The following SENP5 variants were observed in gnomAD, a reference collection of about 807,000 sequenced individuals.
SENP5 encodes sentrin-specific protease 5.
In SENP5, 21 loss-of-function variants were observed where a neutral mutation model predicts 74.2. The observed-to-expected ratio is 0.28, with a 90% CI of 0.20 to 0.41. The LOEUF (loss-of-function observed/expected upper bound fraction) is 0.41, where lower values mean the gene tolerates loss of function less well. SENP5 is among the 10% of genes least tolerant of loss of function. The pLI, the probability that SENP5 is intolerant of heterozygous loss-of-function variation, is 1.00. For missense variants in SENP5, 717 were observed against 889.1 expected (o/e 0.81, Z 2.46); for synonymous variants, 311 against 312.7 (o/e 0.99, Z 0.06).
intron 6 of SENP5, among the ~76,000 whole-genome samples, chr3:196,912,362 G>C (rs1322889711): frequency 1.3e-5 from 2 of 152,164 alleles, no homozygotes; most frequent in East Asian, 3.9e-4. Flanking sequence ...ATAAGTGGGA[G>C]TTGTACAATA....
At chr3:196,872,528 T>C (rs1174410740) in intron 1 of SENP5, among the ~76,000 whole-genome samples, 1 of 152,120 alleles carries the variant, frequency 6.6e-6, no homozygotes, top group African/African-American at 2.4e-5. Context: ...CTCAACTATT[T>C]TCAGTAAGAT....
intron 6 of SENP5, among the ~76,000 whole-genome samples, chr3:196,910,161 G>A (rs552168300): frequency 6.6e-6 from 1 of 151,980 alleles, no homozygotes; most frequent in Admixed American, 6.6e-5. Flanking sequence ...TTGCTACAAA[G>A]AGAATAAAAT....
At chr3:196,897,062 A>G (rs2108831892) in intron 2 of SENP5, among the ~76,000 whole-genome samples, 1 of 152,368 alleles carries the variant, frequency 6.6e-6, no homozygotes, top group East Asian at 1.9e-4. Flanking sequence ...TAACATTGTT[A>G]ACAAGAGCAC....
At chr3:196,899,893 T>A in intron 3 of SENP5, 31 bp from the exon 4 acceptor site, 1 of 1,608,400 alleles carries the variant, frequency 6.2e-7, no homozygotes, top group African/African-American at 1.3e-5. Context: ...ATGTTTTTTT[T>A]ACCTTTTGTT....
Position 196,930,997 on chromosome 3 carries a change from G to A in SENP5, c.*74G>A. The A allele has an allele frequency of 1.1e-6, 1 of 927,374 alleles. No homozygotes were observed. Among genetic ancestry groups the A allele is most frequent in the African/African-American group, 1.6e-5 (1 of 61,866 alleles). The allele number at this position is 927,374 out of a possible 1,614,324, so 57.4% of individuals were successfully genotyped here. A position where few individuals can be genotyped will look rare whatever the true frequency, so the allele number is the denominator to read the frequency against. On this transcript the variant is annotated 3_prime_UTR_variant, in exon 10 of 10. Coordinates refer to ENST00000323460, the MANE Select transcript of SENP5 (RefSeq NM_152699.5). ...TGTTACTTGAATCTCCAAACACTTAGTTGAATTTTTACAGATATTTCAGAT... is the reference window on the plus strand; with the variant it reads ...TGTTACTTGAATCTCCAAACACTTAATTGAATTTTTACAGATATTTCAGAT...
At chr3:196,905,173 G>A (rs918905611) in intron 6 of SENP5, 2 of 152,176 alleles carry the variant, frequency 1.3e-5, no homozygotes, top group African/African-American at 4.8e-5. Context: ...CAAAGTGTTG[G>A]GATTACAGGG....
At chr3:196,869,812 T>C (rs922672133) in intron 1 of SENP5, among the ~76,000 whole-genome samples, 2 of 135,518 alleles carry the variant, frequency 1.5e-5, no homozygotes, top group African/African-American at 2.8e-5. Context: ...AGTGAGTCAC[T>C]GCGCCTGGGC....
chr3:196,913,578 A>C (rs146009387), intron 6 of SENP5, among the ~76,000 whole-genome samples: 1,601 of 151,312 alleles, frequency 0.011, 23 homozygotes, highest in African/African-American at 0.031. Flanking sequence ...CAAAAAAAAA[A>C]AACAAAAAAA....
At chr3:196,925,000 C>T (rs1024695976) in intron 7 of SENP5, among the ~76,000 whole-genome samples, 2 of 152,040 alleles carry the variant, frequency 1.3e-5, no homozygotes, top group African/African-American at 2.4e-5. Context: ...TGGAATGATA[C>T]GGTATAGTAC....
chr3:196,932,329 C>T lies in SENP5; in HGVS notation c.*1406C>T, dbSNP rs753483528. 97 of 153,436 alleles carry T rather than the reference C, an allele frequency of 6.3e-4. No homozygotes were observed. The highest frequency in any genetic ancestry group is 1.3e-3 in the Non-Finnish European group (87 of 68,886). The allele number at this position is 153,436 out of a possible 1,614,324, so 9.5% of individuals were successfully genotyped here. On this transcript the variant is annotated 3_prime_UTR_variant, in exon 10 of 10. Coordinates refer to ENST00000323460, the MANE Select transcript of SENP5 (RefSeq NM_152699.5). The stretch of plus-strand genomic sequence containing the variant: ...CAGAAGATTCTCGAGTTTATGCCCG[C>T]GTAGGTTTGGAGTGTTGAAAAAGCT...
intron 2 of SENP5, among the ~76,000 whole-genome samples, chr3:196,897,110 G>T (rs1341830445): frequency 6.6e-6 from 1 of 152,206 alleles, no homozygotes; most frequent in Non-Finnish European, 1.5e-5. Flanking sequence ...ATATCCCATT[G>T]TGGGGGACAC....
chr3:196,928,953 G>T (rs1715916813), intron 8 of SENP5, among the ~76,000 whole-genome samples: 1 of 152,200 alleles, frequency 6.6e-6, no homozygotes, highest in Non-Finnish European at 1.5e-5. Context: ...ACTTTGGGAG[G>T]CAAAGGTGCG....
Position 196,886,708 on chromosome 3 carries a change from C to T in SENP5, c.1513+14C>T, listed in dbSNP as rs1713991618. The T allele has an allele frequency of 2.0e-6, 3 of 1,513,580 alleles. No individual in the cohort carries two copies. Among genetic ancestry groups the T allele is most frequent in the African/African-American group, 1.4e-5 (1 of 71,766 alleles). The allele number at this position is 1,513,580 out of a possible 1,614,324, so 93.8% of individuals were successfully genotyped here. A position where few individuals can be genotyped will look rare whatever the true frequency, so the allele number is the denominator to read the frequency against. ...TCTGTCTTTCTGGTATGCACTTTTC[C>T]TTTATTCTCCCTCAAACTCCAAGCT... On this transcript the variant is annotated intron_variant, in intron 2 of 9. Coordinates refer to ENST00000323460, the MANE Select transcript of SENP5 (RefSeq NM_152699.5).
At chr3:196,893,299 C>T (rs1048415549) in intron 2 of SENP5, among the ~76,000 whole-genome samples, 3 of 152,116 alleles carry the variant, frequency 2.0e-5, no homozygotes, top group Admixed American at 1.3e-4. Context: ...TAATAGGAAG[C>T]TCAGAAGCAA....
At chr3:196,925,305 A>G (rs1255915484) in intron 7 of SENP5, among the ~76,000 whole-genome samples, 3 of 152,226 alleles carry the variant, frequency 2.0e-5, no homozygotes, top group Non-Finnish European at 2.9e-5. Context: ...AATCCAGGAA[A>G]AAAAATACCC....
intron 6 of SENP5, chr3:196,914,574 AAAAAAAAAAAAAATATATAT>A (rs1194732078): frequency 1.3e-5 from 1 of 77,128 alleles, no homozygotes; most frequent in East Asian, 2.6e-4. Flanking sequence ...TAAAAAAAAA[AAAAAAAAAAAAAATATATAT>A]ATATATATAT....
intron 6 of SENP5, among the ~76,000 whole-genome samples, chr3:196,908,184 G>A (rs1472665539): frequency 6.6e-6 from 1 of 152,096 alleles, no homozygotes; most frequent in Non-Finnish European, 1.5e-5. Flanking sequence ...GAAGGCTGCG[G>A]TGGGAGGATC....
intron 1 of SENP5, among the ~76,000 whole-genome samples, chr3:196,874,180 T>A (rs1331058670): frequency 7.6e-6 from 1 of 131,088 alleles, no homozygotes; most frequent in Non-Finnish European, 1.6e-5. Flanking sequence ...ACAATTTTTT[T>A]ATTCTTAATG....
intron 6 of SENP5, chr3:196,914,582 A>ATATATAT (rs1217677663): frequency 3.8e-4 from 25 of 65,876 alleles, no homozygotes; most frequent in African/African-American, 1.2e-3. Context: ...AAAAAAAAAA[A>ATATATAT]AAAAATATAT....
Sources: gnomAD v4.1 joint callset for allele counts (sites outside exome capture counted in the v4.1 genomes callset) on GRCh38, gnomAD v4.1.1 for gene constraint, MANE v1.5 for transcripts, NCBI Gene and HGNC (gene_info 2026-07-23, HGNC 2026-07-21) for gene names.